Variants in CPT1A observed in about 807,000 individuals in gnomAD.
CPT1A encodes carnitine O-palmitoyltransferase 1, liver isoform.
A neutral mutation model predicts 100.8 loss-of-function variants in CPT1A; 64 were observed. That is an observed-to-expected ratio of 0.63 (90% CI 0.52 to 0.78). CPT1A has a LOEUF of 0.78. CPT1A is among the 30% of genes least tolerant of loss of function. The pLI is 0.00. For synonymous variants in CPT1A, 363 were observed against 396.0 expected (o/e 0.92, Z 0.99); for missense variants, 802 against 1,034.1 (o/e 0.78, Z 3.08).
At chr11:68,822,308 G>T (rs1856606323) in intron 1 of CPT1A, among the ~76,000 whole-genome samples, 1 of 152,140 alleles carries the variant, frequency 6.6e-6, no homozygotes, top group Admixed American at 6.5e-5. Context: ...AAGACAGGAG[G>T]ATTGCTTTGG....
chr11:68,788,863 A>C (rs1177559170), intron 9 of CPT1A, among the ~76,000 whole-genome samples: 2 of 152,174 alleles, frequency 1.3e-5, no homozygotes, highest in Non-Finnish European at 2.9e-5. Flanking sequence ...GAAAGTTGGT[A>C]AAATCACTTT....
chr11:68,759,588 T>G lies in CPT1A; in HGVS notation c.2216A>C (p.Lys739Thr). The change falls in exon 18 of 19, where the codon AAG becomes ACG. Residue 739 changes from lysine (K) to threonine (T), a missense_variant. Physicochemically the swap from Lys to Thr is moderately conservative, Grantham distance 78 (BLOSUM62 -1). Coordinates refer to ENST00000265641, the MANE Select transcript of CPT1A (RefSeq NM_001876.4). ...ENLINFHISS[K>T]FSCPETDSHR... is the part of the protein sequence containing the mutation. ...ACATACCGTCTCAGGGCAAGAGAAC[T>G]TGGAAGAAATGTGGAAATTGATGAG... The G allele has an allele frequency of 1.2e-6, 2 of 1,612,674 alleles. No homozygotes were observed. The highest frequency in any genetic ancestry group is 8.5e-7 in the Non-Finnish European group (1 of 1,178,838).
intron 17 of CPT1A, 125 bp from the exon 18 acceptor site, chr11:68,759,786 G>A: frequency 1.3e-6 from 1 of 756,892 alleles, no homozygotes; most frequent in Non-Finnish European, 2.4e-6. Context: ...CCAGCATTTT[G>A]GGAGGCTGAG....
chr11:68,830,054 ATTGC>A (rs1360255256), intron 1 of CPT1A, among the ~76,000 whole-genome samples: 2 of 152,130 alleles, frequency 1.3e-5, no homozygotes, highest in Non-Finnish European at 2.9e-5. Flanking sequence ...AGATGGGAAG[ATTGC>A]TTGAGTCCAG....
At chr11:68,775,482 A>G (rs1354620207) in intron 12 of CPT1A, 50 bp from the exon 13 acceptor site, 2 of 1,347,872 alleles carry the variant, frequency 1.5e-6, no homozygotes, top group East Asian at 4.6e-5. Flanking sequence ...TACATAAAAC[A>G]CATTAACCTC....
At chr11:68,770,172 C>T (rs543487584) in intron 14 of CPT1A, among the ~76,000 whole-genome samples, 1 of 151,900 alleles carries the variant, frequency 6.6e-6, no homozygotes, top group Non-Finnish European at 1.5e-5. Context: ...AGTTGGGGGG[C>T]GAGTGCTCCT....
intron 1 of CPT1A, among the ~76,000 whole-genome samples, chr11:68,835,125 C>T (rs1856976833): frequency 1.3e-5 from 2 of 152,152 alleles, no homozygotes; most frequent in African/African-American, 4.8e-5. Flanking sequence ...CAAAGATTCA[C>T]AATTTTATAA....
In CPT1A at chr11:68,761,499, CCAATACA is replaced by C; in HGVS notation, c.2028+29_2028+35del. ...AGTAATTTACTAAGTTTTGGTCTAG[CCAATACA>C]ACTGACGGAAGAAGTGGAAGAGACT... On this transcript the variant is annotated intron_variant, in intron 16 of 18. Coordinates refer to ENST00000265641, the MANE Select transcript of CPT1A (RefSeq NM_001876.4). The C allele has an allele frequency of 2.5e-6, 4 of 1,609,820 alleles. No individual in the cohort carries two copies. The South Asian group carries it at 4.4e-5, about 18-fold the overall frequency.
chr11:68,798,675 C>T (rs1303038149), intron 6 of CPT1A, among the ~76,000 whole-genome samples: 6 of 152,046 alleles, frequency 3.9e-5, no homozygotes, highest in Non-Finnish European at 8.8e-5. Context: ...CCTGCATCCA[C>T]CAGCGAGCTC....
chr11:68,773,141 G>T, intron 14 of CPT1A, 124 bp downstream of exon 14: 2 of 1,518,464 alleles, frequency 1.3e-6, no homozygotes, highest in Admixed American at 2.1e-5. Flanking sequence ...GACCGGGGTC[G>T]GGGGGAGCTG....
At chr11:68,785,118 G>T in intron 9 of CPT1A, 108 bp from the exon 10 acceptor site, 2 of 895,960 alleles carry the variant, frequency 2.2e-6, no homozygotes, top group Non-Finnish European at 3.6e-6. Context: ...CCTGCTCTGC[G>T]TCTCTCCAGG....
intron 9 of CPT1A, among the ~76,000 whole-genome samples, chr11:68,786,537 A>G (rs1436511609): frequency 6.6e-6 from 1 of 152,110 alleles, no homozygotes; most frequent in East Asian, 1.9e-4. Context: ...GCCCGATCTC[A>G]TGTTTTTTTT....
chr11:68,802,666 G>A (rs1308773266), intron 5 of CPT1A, among the ~76,000 whole-genome samples: 1 of 151,866 alleles, frequency 6.6e-6, no homozygotes, highest in African/African-American at 2.4e-5. Context: ...CCCAGGAGGT[G>A]GAGCTTGCAG....
chr11:68,762,040 G>A (rs866897012), intron 15 of CPT1A, among the ~76,000 whole-genome samples: 1 of 152,202 alleles, frequency 6.6e-6, no homozygotes, highest in Non-Finnish European at 1.5e-5. Flanking sequence ...GGAGTCAGGC[G>A]GACCCAGTGG....
At chr11:68,838,779 T>C (rs1331629299) in intron 1 of CPT1A, among the ~76,000 whole-genome samples, 1 of 152,064 alleles carries the variant, frequency 6.6e-6, no homozygotes, top group Non-Finnish European at 1.5e-5. Flanking sequence ...GTTGCCCAGG[T>C]TGGTCTCGAA....
At chr11:68,818,088 T>C (rs1566380161) in intron 1 of CPT1A, among the ~76,000 whole-genome samples, 1 of 151,988 alleles carries the variant, frequency 6.6e-6, no homozygotes, top group African/African-American at 2.4e-5. Flanking sequence ...TGGATGGGGA[T>C]GGGGAAGCAG....
intron 9 of CPT1A, among the ~76,000 whole-genome samples, chr11:68,790,204 G>A (rs1394118263): frequency 6.6e-6 from 1 of 151,946 alleles, no homozygotes; most frequent in East Asian, 1.9e-4. Context: ...CTGAGTAGCT[G>A]GGACCACAGG....
chr11:68,795,562 GA>G (rs35099183), intron 7 of CPT1A, among the ~76,000 whole-genome samples: 6 of 150,808 alleles, frequency 4.0e-5, no homozygotes, highest in Admixed American at 3.3e-4. Context: ...TTTCAGATGG[GA>G]AAAAAAAAGT....
At chr11:68,763,309 C>T (rs1028135393) in intron 14 of CPT1A, among the ~76,000 whole-genome samples, 2 of 151,496 alleles carry the variant, frequency 1.3e-5, no homozygotes, top group Non-Finnish European at 2.9e-5. Context: ...CTATGACACC[C>T]CCCCCACCCC....
Sources: allele counts gnomAD v4.1 joint callset (sites outside exome capture counted in the v4.1 genomes callset), GRCh38; gene constraint gnomAD v4.1.1; transcripts MANE v1.5; gene names NCBI Gene and HGNC (gene_info 2026-07-23, HGNC 2026-07-21).